CERS6: variants seen among roughly 807,000 people sequenced by gnomAD.
CERS6 encodes the protein ceramide synthase 6.
CERS6 carries 26 observed loss-of-function variants against 56.8 expected under a neutral mutation model. That is an observed-to-expected ratio of 0.46 (90% CI 0.34 to 0.63). The LOEUF (loss-of-function observed/expected upper bound fraction) is 0.63, where lower values mean the gene tolerates loss of function less well. Ranked by LOEUF, CERS6 falls within the 30% of genes least tolerant of loss-of-function variation. The pLI is 0.01. For missense variants in CERS6, 415 were observed against 467.5 expected (o/e 0.89, Z 1.04); for synonymous variants, 164 against 173.3 (o/e 0.95, Z 0.42).
intron 4 of CERS6, among the ~76,000 whole-genome samples, chr2:168,651,025 CAGG>C (rs1003835175): frequency 6.6e-6 from 1 of 152,026 alleles, no homozygotes; most frequent in Non-Finnish European, 1.5e-5. Flanking sequence ...AAAGGGAAGT[CAGG>C]AGAGAAAGTT....
chr2:168,661,818 A>C (rs535643813), intron 4 of CERS6, among the ~76,000 whole-genome samples: 7 of 152,360 alleles, frequency 4.6e-5, no homozygotes, highest in African/African-American at 1.7e-4. Flanking sequence ...ATGCAGTGCA[A>C]ATGTCTGCAA....
chr2:168,649,870 C>G (rs1238051481), intron 4 of CERS6, among the ~76,000 whole-genome samples: 2 of 152,036 alleles, frequency 1.3e-5, no homozygotes, highest in Non-Finnish European at 2.9e-5. Flanking sequence ...CACAGGGTTC[C>G]CTATTTGCTT....
chr2:168,531,604 C>T (rs971894790), intron 1 of CERS6, among the ~76,000 whole-genome samples: 30 of 152,086 alleles, frequency 2.0e-4, no homozygotes, highest in African/African-American at 7.2e-4. Flanking sequence ...GGTGGATCAC[C>T]TGAGCTCAGG....
chr2:168,578,150 G>T (rs1683323620), intron 3 of CERS6, among the ~76,000 whole-genome samples: 1 of 151,998 alleles, frequency 6.6e-6, no homozygotes. Flanking sequence ...ACCAGGCTGT[G>T]GAACTGATAT....
At chr2:168,499,207 C>T (rs1694534689) in intron 1 of CERS6, among the ~76,000 whole-genome samples, 1 of 152,080 alleles carries the variant, frequency 6.6e-6, no homozygotes, top group Non-Finnish European at 1.5e-5. Context: ...TATTGTAGGC[C>T]AGACTGGAAT....
intron 4 of CERS6, among the ~76,000 whole-genome samples, chr2:168,647,675 A>G (rs1440173740): frequency 2.0e-5 from 3 of 152,158 alleles, no homozygotes; most frequent in Non-Finnish European, 4.4e-5. Flanking sequence ...TATTATTTTT[A>G]GGTATGTTCT....
At chr2:168,596,020 A>T (rs1683788107) in intron 3 of CERS6, among the ~76,000 whole-genome samples, 1 of 150,694 alleles carries the variant, frequency 6.6e-6, no homozygotes, top group African/African-American at 2.4e-5. Flanking sequence ...AGGCCAAGGC[A>T]GGAGGATCAT....
In CERS6 at chr2:168,657,896, T is replaced by TG. The variant is rs765689822; in HGVS notation, c.465+26859dup. On this transcript the variant is annotated intron_variant, in intron 4 of 9. Transcript: ENST00000305747. ...CCAGAAAGTGGCTCCCACAGTGCAG[T>TG]GGGGGACTGAAGGGCTCCTCAAATG... Among the ~76,000 whole-genome samples, 1,090 of 152,178 alleles carry TG rather than the reference T, an allele frequency of 7.2e-3. 10 individuals carry two copies. The highest frequency in any genetic ancestry group is 0.022 in the African/African-American group (925 of 41,528).
intron 4 of CERS6, among the ~76,000 whole-genome samples, chr2:168,687,316 T>G (rs2105356973): frequency 6.6e-6 from 1 of 152,376 alleles, no homozygotes; most frequent in Non-Finnish European, 1.5e-5. Flanking sequence ...TAACAAAGTA[T>G]TTAGCAAGCT....
chr2:168,486,846 A>G (rs1694285682), intron 1 of CERS6, among the ~76,000 whole-genome samples: 1 of 152,154 alleles, frequency 6.6e-6, no homozygotes, highest in South Asian at 2.1e-4. Context: ...GAAAGGAAGG[A>G]CCAGCATTTC....
chr2:168,667,153 C>T (rs923122693), intron 4 of CERS6, among the ~76,000 whole-genome samples: 6 of 152,142 alleles, frequency 3.9e-5, no homozygotes, highest in African/African-American at 7.2e-5. Context: ...CAATATATTT[C>T]GGATTGGGAT....
chr2:168,702,698 T>C (rs751946424), intron 6 of CERS6, among the ~76,000 whole-genome samples: 1 of 152,214 alleles, frequency 6.6e-6, no homozygotes, highest in Non-Finnish European at 1.5e-5. Flanking sequence ...GACCAATGGA[T>C]TTTAATGTAG....
intron 9 of CERS6, chr2:168,766,428 C>A (rs898496422): frequency 8.1e-7 from 1 of 1,229,734 alleles, no homozygotes; most frequent in East Asian, 2.3e-5. Context: ...TTTGTTTCCA[C>A]GCATATTGTT....
At chr2:168,751,660 T>G (rs1684272118) in intron 8 of CERS6, among the ~76,000 whole-genome samples, 1 of 152,128 alleles carries the variant, frequency 6.6e-6, no homozygotes, top group Non-Finnish European at 1.5e-5. Flanking sequence ...CATCCCACAG[T>G]TTCCATAACA....
intron 6 of CERS6, 112 bp from the exon 7 acceptor site, chr2:168,714,889 C>A: frequency 1.1e-6 from 1 of 903,674 alleles, no homozygotes; most frequent in Non-Finnish European, 1.7e-6. Context: ...CTTATTCATC[C>A]TCAGTGCTAG....
chr2:168,513,619 A>G (rs1252833738), intron 1 of CERS6, among the ~76,000 whole-genome samples: 1 of 152,170 alleles, frequency 6.6e-6, no homozygotes, highest in Non-Finnish European at 1.5e-5. Context: ...TGTCAAGGGC[A>G]TATACCACCG....
intron 3 of CERS6, among the ~76,000 whole-genome samples, chr2:168,624,004 G>A (rs1684533717): frequency 6.6e-6 from 1 of 152,158 alleles, no homozygotes; most frequent in South Asian, 2.1e-4. Context: ...TAAGAACAAT[G>A]TCTGCTTCAA....
At chr2:168,497,856 A>G (rs1409711392) in intron 1 of CERS6, among the ~76,000 whole-genome samples, 2 of 152,192 alleles carry the variant, frequency 1.3e-5, no homozygotes, top group East Asian at 1.9e-4. Context: ...GGAGACTGCT[A>G]TAAAATCGAG....
At position 168,731,630 on chromosome 2, in the gene CERS6, G is replaced by A. The variant is rs552889515; in HGVS notation, c.845+13652G>A. 3.9e-4 allele frequency among the ~76,000 whole-genome samples: 60 copies of A among 152,216 alleles called. 1 individual carries two copies. The highest frequency in any genetic ancestry group is 1.4e-3 in the African/African-American group (59 of 41,554). On this transcript the variant is annotated intron_variant, in intron 8 of 9. Coordinates refer to ENST00000305747, the MANE Select transcript of CERS6 (RefSeq NM_203463.3). ...GGGAGGGACAAAGGAGAAGTAGCAGGGGGTGGGGAATTATCTTGCCCCTTC... is the reference window on the plus strand; with the variant it reads ...GGGAGGGACAAAGGAGAAGTAGCAGAGGGTGGGGAATTATCTTGCCCCTTC...
Sources: allele counts gnomAD v4.1 joint callset (sites outside exome capture counted in the v4.1 genomes callset), GRCh38; gene constraint gnomAD v4.1.1; transcripts MANE v1.5; gene names NCBI Gene and HGNC (gene_info 2026-07-23, HGNC 2026-07-21).